The following CDYL variants were observed in gnomAD, a reference collection of about 807,000 sequenced individuals.
CDYL encodes chromodomain Y-like protein.
A neutral mutation model predicts 47.3 loss-of-function variants in CDYL; 8 were observed. The ratio of observed to expected loss-of-function variants is 0.17; its 90% CI spans 0.10 to 0.31. The LOEUF (loss-of-function observed/expected upper bound fraction) is 0.31, where lower values mean the gene tolerates loss of function less well. Among genes scored for constraint, CDYL ranks in the 10% least tolerant of loss-of-function variants. The pLI, the probability that CDYL is intolerant of heterozygous loss-of-function variation, is 1.00. For synonymous variants in CDYL, 266 were observed against 265.0 expected (o/e 1.00, Z -0.04); for missense variants, 471 against 701.4 (o/e 0.67, Z 3.71).
At chr6:4,928,568 T>C (rs1005066683) in intron 2 of CDYL, 1 of 152,088 alleles carries the variant, frequency 6.6e-6, no homozygotes, top group Non-Finnish European at 1.5e-5. Flanking sequence ...ATGGGTAAAA[T>C]TGGTACGTGG....
intron 1 of CDYL, among the ~76,000 whole-genome samples, chr6:4,885,671 G>C (rs1261497435): frequency 6.6e-6 from 1 of 152,178 alleles, no homozygotes; most frequent in Non-Finnish European, 1.5e-5. Flanking sequence ...ATTTCCTTTT[G>C]TCTCTTGCGA....
intron 1 of CDYL, among the ~76,000 whole-genome samples, chr6:4,707,336 C>T (rs371417777): frequency 5.2e-4 from 79 of 152,240 alleles, no homozygotes; most frequent in East Asian, 4.0e-3. Flanking sequence ...AGTGCAGTGG[C>T]GTACAGTCTT....
In CDYL at chr6:4,732,045, G is replaced by GA. The variant is rs200459152; in HGVS notation, c.104-2711dup. ...AATATGTAGAGTTGATTTAAAATAG[G>GA]AAAAAATGACTGGGCATGGTGGTCC... is the stretch of plus-strand genomic sequence containing the variant. On this transcript the variant is annotated intron_variant, in intron 2 of 8. Coordinates refer to the CDYL transcript ENST00000328908. 5.5e-4 allele frequency among the ~76,000 whole-genome samples: 83 copies of GA among 152,004 alleles called. No individual in the cohort carries two copies. The East Asian group carries it at 0.012, about 23-fold the overall frequency.
rs1212118629 is a variant in CDYL at position 4,852,358 on chromosome 6, CCTTCCTTCCTTCCTCCTTCCTTCCTAT to C, written c.25-39329_25-39303del. ...TCCCTCCTTCCTTCCTTCCAATCTT[CCTTCCTTCCTTCCTCCTTCCTTCCTAT>C]CTTCCTTCCTTCCTCCTTCCTTCCT... On this transcript the variant is annotated intron_variant, in intron 1 of 6. Coordinates refer to ENST00000397588, the MANE Select transcript of CDYL (RefSeq NM_004824.4). 1.2e-3 allele frequency among the ~76,000 whole-genome samples: 180 copies of C among 149,706 alleles called. 4 individuals carry two copies. The highest frequency in any genetic ancestry group is 4.1e-3 in the African/African-American group (164 of 40,288).
At chr6:4,746,083 T>C (rs1005182594) in intron 3 of CDYL, among the ~76,000 whole-genome samples, 2 of 151,876 alleles carry the variant, frequency 1.3e-5, no homozygotes, top group Non-Finnish European at 2.9e-5. Flanking sequence ...TCATTCTAGC[T>C]GGCTGGGCGC....
At chr6:4,951,133 C>T (rs149855114) in intron 5 of CDYL, among the ~76,000 whole-genome samples, 19 of 152,254 alleles carry the variant, frequency 1.2e-4, no homozygotes, top group Non-Finnish European at 2.6e-4. Context: ...CAGTCTTACA[C>T]TGTCTCAGCG....
At chr6:4,803,240 C>T (rs372104775) in intron 1 of CDYL, among the ~76,000 whole-genome samples, 4 of 152,188 alleles carry the variant, frequency 2.6e-5, no homozygotes, top group African/African-American at 9.7e-5. Context: ...TTGACAGTGT[C>T]AGGGTTCTTC....
chr6:4,756,399 C>T (rs1478227270), intron 3 of CDYL, among the ~76,000 whole-genome samples: 1 of 152,112 alleles, frequency 6.6e-6, no homozygotes, highest in East Asian at 1.9e-4. Flanking sequence ...AGCCTTGCCT[C>T]TCAAAATAAA....
Position 4,937,754 on chromosome 6 carries a change from T to C in CDYL, c.1121+17T>C. The C allele has an allele frequency of 6.3e-7, 1 of 1,593,256 alleles. No homozygotes were observed. The highest frequency in any genetic ancestry group is 8.5e-7 in the Non-Finnish European group (1 of 1,170,648). On this transcript the variant is annotated intron_variant, in intron 4 of 6. Transcript: ENST00000397588. The stretch of plus-strand genomic sequence containing the variant: ...AGCTATCAGGTATGTAAAAATGATG[T>C]TTTTTAAACATTGGTTGGGTGTTTT...
chr6:4,798,718 A>G (rs1759143458), intron 1 of CDYL, among the ~76,000 whole-genome samples: 1 of 152,210 alleles, frequency 6.6e-6, no homozygotes, highest in Admixed American at 6.5e-5. Flanking sequence ...TGTTTCTCAA[A>G]TTGAATGTAT....
intron 1 of CDYL, among the ~76,000 whole-genome samples, chr6:4,796,537 AG>A (rs963737843): frequency 9.2e-5 from 14 of 152,262 alleles, no homozygotes; most frequent in Admixed American, 7.8e-4. Flanking sequence ...CTAAGATTAT[AG>A]GTTTGCCAAT....
At chr6:4,951,703 G>A (rs548128904) in intron 5 of CDYL, among the ~76,000 whole-genome samples, 49 of 152,084 alleles carry the variant, frequency 3.2e-4, no homozygotes, top group African/African-American at 9.4e-4. Flanking sequence ...AGAAACGGTC[G>A]CTGCCATTAG....
In CDYL at chr6:4,952,251, T is replaced by C. The variant is rs759947294; in HGVS notation, c.1333-15T>C. ...CCACCGCAATTCATATTACATCCAC[T>C]CTTCTTCCTTGCAGGCAAACGAGAT... On this transcript the variant is annotated splice_polypyrimidine_tract_variant and intron_variant, in intron 5 of 6. Coordinates refer to ENST00000397588, the MANE Select transcript of CDYL (RefSeq NM_004824.4). 2.5e-5 allele frequency: 40 copies of C among 1,612,020 alleles called. No individual in the cohort carries two copies. The highest frequency in any genetic ancestry group is 3.2e-5 in the Non-Finnish European group (38 of 1,179,014).
intron 2 of CDYL, among the ~76,000 whole-genome samples, chr6:4,732,665 A>T (rs9504222): frequency 0.16 from 23,438 of 143,608 alleles, 2,382 homozygotes; most frequent in African/African-American, 0.32. Context: ...CCTGTTTTTT[A>T]AAAAAAAAGA....
At chr6:4,735,932 A>C (rs1404361485) in intron 3 of CDYL, among the ~76,000 whole-genome samples, 1 of 151,814 alleles carries the variant, frequency 6.6e-6, no homozygotes, top group African/African-American at 2.4e-5. Flanking sequence ...AGAGCACCTA[A>C]CAGTTAAGAT....
chr6:4,947,093 TCA>T (rs1758545854), intron 5 of CDYL, among the ~76,000 whole-genome samples: 1 of 152,194 alleles, frequency 6.6e-6, no homozygotes, highest in African/African-American at 2.4e-5. Context: ...TCGTGTTTTC[TCA>T]CAGCTCCCAC....
intron 2 of CDYL, chr6:4,724,724 TC>T (rs1301932661): frequency 1.3e-5 from 2 of 152,260 alleles, no homozygotes; most frequent in African/African-American, 4.8e-5. Context: ...CTCGTTGGGT[TC>T]GTGGTCTCAC....
chr6:4,805,714 C>T (rs559118979), intron 1 of CDYL, among the ~76,000 whole-genome samples: 2 of 152,272 alleles, frequency 1.3e-5, no homozygotes, highest in Middle Eastern at 3.4e-3. Flanking sequence ...GATCCTGGCT[C>T]ATGAAGAGGG....
At chr6:4,896,549 G>T (rs894432703) in intron 2 of CDYL, among the ~76,000 whole-genome samples, 1 of 152,074 alleles carries the variant, frequency 6.6e-6, no homozygotes, top group Admixed American at 6.6e-5. Flanking sequence ...AGCAGGAGGG[G>T]AGAAATGCTA....
Sources: allele counts gnomAD v4.1 joint callset (sites outside exome capture counted in the v4.1 genomes callset), GRCh38; gene constraint gnomAD v4.1.1; transcripts MANE v1.5; gene names NCBI Gene and HGNC (gene_info 2026-07-23, HGNC 2026-07-21).